The following MAP3K20 variants were observed in gnomAD, a reference collection of about 807,000 sequenced individuals.
The protein encoded by MAP3K20 is HCCS-4.
MAP3K20 carries 40 observed loss-of-function variants against 85.7 expected under a neutral mutation model. The ratio of observed to expected loss-of-function variants is 0.47; its 90% CI spans 0.36 to 0.61. The LOEUF (loss-of-function observed/expected upper bound fraction) is 0.61. MAP3K20 is among the 20% of genes least tolerant of loss of function. MAP3K20 has a pLI of 0.00. For missense variants in MAP3K20, 817 were observed against 961.7 expected, an observed-to-expected ratio of 0.85 and a Z score of 1.99; for synonymous variants, 325 against 327.7, an observed-to-expected ratio of 0.99 and a Z score of 0.09.
At chr2:173,185,881 G>A (rs767137203) in intron 4 of MAP3K20, among the ~76,000 whole-genome samples, 2 of 152,086 alleles carry the variant, frequency 1.3e-5, no homozygotes, top group Non-Finnish European at 2.9e-5. Context: ...CTCCCCAAAA[G>A]TCTCCTCAGT....
chr2:173,134,251 C>A (rs1322607289), intron 2 of MAP3K20, among the ~76,000 whole-genome samples: 1 of 141,656 alleles, frequency 7.1e-6, no homozygotes, highest in African/African-American at 2.6e-5. Context: ...AGTGCCGTGG[C>A]GTGATTTTGG....
chr2:173,242,009 G>A (rs1345251728), intron 16 of MAP3K20, among the ~76,000 whole-genome samples: 1 of 152,036 alleles, frequency 6.6e-6, no homozygotes, highest in Admixed American at 6.5e-5. Flanking sequence ...TTCATCTGAT[G>A]GTAAACAAAT....
chr2:173,131,445 T>G (rs1688615326), intron 2 of MAP3K20, among the ~76,000 whole-genome samples: 1 of 151,926 alleles, frequency 6.6e-6, no homozygotes, highest in Non-Finnish European at 1.5e-5. Context: ...GAGTGAAAAA[T>G]AAACTGCCCA....
At chr2:173,212,852 A>T (rs1683953499) in intron 10 of MAP3K20, 1 of 151,824 alleles carries the variant, frequency 6.6e-6, no homozygotes, top group African/African-American at 2.4e-5. Flanking sequence ...AAATGTAGGG[A>T]CACTTATTCA....
chr2:173,092,765 A>G (rs188359905), intron 2 of MAP3K20, among the ~76,000 whole-genome samples: 3 of 152,318 alleles, frequency 2.0e-5, no homozygotes, highest in Non-Finnish European at 4.4e-5. Context: ...GAAAATATTA[A>G]TTGTAACCCG....
intron 8 of MAP3K20, among the ~76,000 whole-genome samples, chr2:173,201,611 C>T (rs76188912): frequency 0.04 from 6,028 of 152,020 alleles, 185 homozygotes; most frequent in Non-Finnish European, 0.064. Flanking sequence ...AAATGTCATG[C>T]CTAATTTAGT....
chr2:173,222,597 T>C (rs939728476), intron 11 of MAP3K20: 42 of 985,356 alleles, frequency 4.3e-5, no homozygotes, highest in Non-Finnish European at 4.8e-5. Context: ...TGGTTTGTTT[T>C]TTAGAGGGGC....
chr2:173,243,428 G>C (rs1211284489), intron 16 of MAP3K20, among the ~76,000 whole-genome samples: 1 of 152,102 alleles, frequency 6.6e-6, no homozygotes, highest in Non-Finnish European at 1.5e-5. Flanking sequence ...GCTCTTTCTT[G>C]GAATAATTTT....
At chr2:173,262,587 C>A (rs1685322693) in intron 18 of MAP3K20, among the ~76,000 whole-genome samples, 1 of 148,614 alleles carries the variant, frequency 6.7e-6, no homozygotes, top group African/African-American at 2.5e-5. Context: ...GAGACAAGAG[C>A]AAAACTGTCT....
intron 11 of MAP3K20, chr2:173,221,040 TA>T: frequency 1.2e-6 from 1 of 833,330 alleles, no homozygotes; most frequent in Non-Finnish European, 1.6e-6. Context: ...TTTATTTCAC[TA>T]ATCATTTACC....
chr2:173,084,558 G>A (rs1687096255), intron 1 of MAP3K20, among the ~76,000 whole-genome samples: 1 of 152,064 alleles, frequency 6.6e-6, no homozygotes, highest in South Asian at 2.1e-4. Context: ...TTAAACAGAG[G>A]AATGAGAAAG....
intron 2 of MAP3K20, among the ~76,000 whole-genome samples, chr2:173,112,050 G>T (rs1687990637): frequency 6.6e-6 from 1 of 152,090 alleles, no homozygotes; most frequent in Non-Finnish European, 1.5e-5. Context: ...CGTGAGCATG[G>T]GATGTGTTTC....
chr2:173,103,282 A>G (rs1204501564), intron 2 of MAP3K20, among the ~76,000 whole-genome samples: 3 of 152,014 alleles, frequency 2.0e-5, no homozygotes, highest in Non-Finnish European at 4.4e-5. Flanking sequence ...TATGGGAAAA[A>G]CCTTATGTGC....
intron 2 of MAP3K20, among the ~76,000 whole-genome samples, chr2:173,165,861 A>G (rs1209580147): frequency 6.6e-6 from 1 of 152,076 alleles, no homozygotes; most frequent in African/African-American, 2.4e-5. Context: ...AGTAGAGACA[A>G]GGTCTCACTA....
chr2:173,159,966 T>C (rs1336575819), intron 2 of MAP3K20: 2 of 152,118 alleles, frequency 1.3e-5, no homozygotes, highest in Non-Finnish European at 2.9e-5. Context: ...AGGAATACCA[T>C]TGAGCAATAG....
intron 16 of MAP3K20, among the ~76,000 whole-genome samples, chr2:173,247,481 A>T (rs1178026441): frequency 6.6e-6 from 1 of 152,136 alleles, no homozygotes; most frequent in Non-Finnish European, 1.5e-5. Context: ...CTTTACTTTG[A>T]TGTATCTTGC....
chr2:173,163,795 T>C (rs1689733869), intron 2 of MAP3K20, among the ~76,000 whole-genome samples: 1 of 152,208 alleles, frequency 6.6e-6, no homozygotes, highest in Non-Finnish European at 1.5e-5. Context: ...AATGTAAGTA[T>C]GGAATATAAG....
At chr2:173,115,392 G>A (rs570669217) in intron 2 of MAP3K20, among the ~76,000 whole-genome samples, 2 of 152,058 alleles carry the variant, frequency 1.3e-5, no homozygotes, top group East Asian at 1.9e-4. Context: ...AATAACTAAC[G>A]TCCTTAATTC....
At chr2:173,234,842 T>G (rs6717152) in intron 14 of MAP3K20, among the ~76,000 whole-genome samples, 1 of 152,210 alleles carries the variant, frequency 6.6e-6, no homozygotes, top group Non-Finnish European at 1.5e-5. Flanking sequence ...GACCAGCTGT[T>G]GGGAGTATTG....
Sources: gnomAD v4.1 joint callset for allele counts (sites outside exome capture counted in the v4.1 genomes callset) on GRCh38, gnomAD v4.1.1 for gene constraint, MANE v1.5 for transcripts, NCBI Gene and HGNC (gene_info 2026-07-23, HGNC 2026-07-21) for gene names.